Variants in CADPS2 observed in about 807,000 individuals in gnomAD.
CADPS2 encodes the protein calcium dependent secretion activator 2.
In CADPS2, 93 loss-of-function variants were observed where a neutral mutation model predicts 172.5. That is an observed-to-expected ratio of 0.54 (90% CI 0.46 to 0.64). The LOEUF (loss-of-function observed/expected upper bound fraction) is 0.64, where lower values mean the gene tolerates loss of function less well. CADPS2 is among the 30% of genes least tolerant of loss of function. The pLI is 0.00. For synonymous variants in CADPS2, 546 were observed against 555.2 expected, an observed-to-expected ratio of 0.98 and a Z score of 0.23; for missense variants, 1,420 against 1,565.9, an observed-to-expected ratio of 0.91 and a Z score of 1.57.
chr7:122,809,534 C>G (rs959524459), intron 1 of CADPS2, among the ~76,000 whole-genome samples: 8 of 149,610 alleles, frequency 5.3e-5, no homozygotes, highest in African/African-American at 2.0e-4. Context: ...GCGCTGAGAT[C>G]GTGCCATTGC....
Position 122,558,367 on chromosome 7 carries a change from A to G in CADPS2, c.1336-3678T>C, listed in dbSNP as rs577805989. The stretch of plus-strand genomic sequence containing the variant: ...CATTTAAATTAAACTATAGCTCTGT[A>G]CAAATAACTTTTAATATTATTTAGC... On this transcript the variant is annotated intron_variant, in intron 7 of 29. Coordinates refer to ENST00000449022, the MANE Select transcript of CADPS2 (RefSeq NM_017954.11). 5.3e-5 allele frequency among the ~76,000 whole-genome samples: 8 copies of G among 152,308 alleles called. No homozygotes were observed. The East Asian group carries it at 1.5e-3, about 29-fold the overall frequency.
At chr7:122,325,616 C>T (rs763065053) in intron 28 of CADPS2, 35 bp from the exon 29 acceptor site, 3 of 1,376,228 alleles carry the variant, frequency 2.2e-6, no homozygotes, top group Non-Finnish European at 3.1e-6. Flanking sequence ...GGGAGGAGAA[C>T]AAAAAAAGAA....
chr7:122,391,338 A>T (rs1298352371), intron 22 of CADPS2, among the ~76,000 whole-genome samples: 1 of 152,026 alleles, frequency 6.6e-6, no homozygotes, highest in Non-Finnish European at 1.5e-5. Flanking sequence ...AACATACTTT[A>T]AAAAAGGGCC....
At chr7:122,743,211 C>T (rs1270247251) in intron 1 of CADPS2, among the ~76,000 whole-genome samples, 1 of 152,044 alleles carries the variant, frequency 6.6e-6, no homozygotes, top group Admixed American at 6.6e-5. Flanking sequence ...AAAGAAAAAA[C>T]TAAATTTTAT....
chr7:122,362,116 A>C (rs2040229837), intron 25 of CADPS2, among the ~76,000 whole-genome samples: 1 of 151,930 alleles, frequency 6.6e-6, no homozygotes, highest in Non-Finnish European at 1.5e-5. Context: ...ACAAACAAAC[A>C]AAAAAAATGA....
rs373869050 is a variant in CADPS2 at position 122,330,372 on chromosome 7, C to T, written c.3613-4791G>A. On this transcript the variant is annotated intron_variant, in intron 28 of 29. Coordinates refer to ENST00000449022, the MANE Select transcript of CADPS2 (RefSeq NM_017954.11). Reference sequence around the variant, plus strand: ...AATATTTAGAAACATTAATGCACTACAATTTCACCAGTATATTTCTATTTA... The same window carrying T: ...AATATTTAGAAACATTAATGCACTATAATTTCACCAGTATATTTCTATTTA... Among the ~76,000 whole-genome samples, 3 of 152,324 alleles carry T rather than the reference C, an allele frequency of 2.0e-5. 1 individual carries two copies. The highest frequency in any genetic ancestry group is 2.0e-4 in the Admixed American group (3 of 15,298).
chr7:122,492,978 C>A (rs888201024), intron 9 of CADPS2, among the ~76,000 whole-genome samples: 1 of 152,054 alleles, frequency 6.6e-6, no homozygotes, highest in African/African-American at 2.4e-5. Flanking sequence ...AAACATAGTA[C>A]CTTTCAATAG....
At chr7:122,853,398 T>C (rs1191059607) in intron 1 of CADPS2, among the ~76,000 whole-genome samples, 2 of 152,178 alleles carry the variant, frequency 1.3e-5, no homozygotes, top group African/African-American at 4.8e-5. Flanking sequence ...GCAGCTCCTG[T>C]GCTGTAGCTG....
chr7:122,328,157 A>ACG (rs1554431011), intron 28 of CADPS2, among the ~76,000 whole-genome samples: 7 of 110,066 alleles, frequency 6.4e-5, no homozygotes, highest in Non-Finnish European at 1.4e-4. Flanking sequence ...ACACACACAC[A>ACG]CACGCACGCA....
chr7:122,665,463 G>T (rs564947359), intron 2 of CADPS2, among the ~76,000 whole-genome samples: 18 of 152,230 alleles, frequency 1.2e-4, no homozygotes, highest in African/African-American at 4.3e-4. Context: ...AAACTACAAT[G>T]AGGTTATGTC....
At chr7:122,341,269 C>A (rs1375379957) in intron 28 of CADPS2, among the ~76,000 whole-genome samples, 1 of 152,190 alleles carries the variant, frequency 6.6e-6, no homozygotes, top group East Asian at 1.9e-4. Context: ...TGGTGGGACA[C>A]CTTGTTTTCA....
chr7:122,729,270 G>C (rs1588820220), intron 2 of CADPS2, among the ~76,000 whole-genome samples: 2 of 151,696 alleles, frequency 1.3e-5, no homozygotes, highest in East Asian at 3.9e-4. Context: ...TTCATCTGTT[G>C]ATAGACACTT....
intron 1 of CADPS2, among the ~76,000 whole-genome samples, chr7:122,758,472 T>G (rs914982293): frequency 5.9e-5 from 9 of 152,206 alleles, no homozygotes; most frequent in Non-Finnish European, 1.3e-4. Context: ...TTTAAAGGCC[T>G]CTTATATTTG....
intron 25 of CADPS2, among the ~76,000 whole-genome samples, chr7:122,362,471 T>C (rs185343629): frequency 3.3e-5 from 5 of 151,964 alleles, no homozygotes; most frequent in African/African-American, 1.2e-4. Flanking sequence ...GTGGTTTACA[T>C]TTCTAAAACT....
chr7:122,625,876 G>C (rs145701128), intron 4 of CADPS2, among the ~76,000 whole-genome samples: 18 of 151,782 alleles, frequency 1.2e-4, no homozygotes, highest in African/African-American at 4.1e-4. Context: ...TATCTACCTA[G>C]ATATTGGTCT....
Position 122,601,213 on chromosome 7 carries a change from A to G in CADPS2, c.1223+13968T>C, listed in dbSNP as rs186599346. Among the ~76,000 whole-genome samples the G allele has an allele frequency of 2.9e-3, 442 of 152,184 alleles. 3 individuals carry two copies. Among genetic ancestry groups the G allele is most frequent in the Non-Finnish European group, 5.4e-3 (364 of 67,984 alleles). On this transcript the variant is annotated intron_variant, in intron 6 of 29. Transcript: ENST00000449022. The stretch of plus-strand genomic sequence containing the variant: ...ATTTTTTTTCACACTCAAATATTAA[A>G]ATTTTTGAAGATTCTTATGAGAATT...
chr7:122,602,940 T>C lies in CADPS2; in HGVS notation c.1223+12241A>G, dbSNP rs548358213. On this transcript the variant is annotated intron_variant, in intron 6 of 29. Transcript: ENST00000449022. ...GTAATAACAAGTGCTCTTCATGTAA[T>C]GTATTAACATGGTGCCAACATGGAA... Among the ~76,000 whole-genome samples, 41 of 152,246 alleles carry C rather than the reference T, an allele frequency of 2.7e-4. No homozygotes were observed. The East Asian group carries it at 5.2e-3, about 19-fold the overall frequency.
chr7:122,803,345 T>A (rs1341568526), intron 1 of CADPS2, among the ~76,000 whole-genome samples: 2 of 152,154 alleles, frequency 1.3e-5, no homozygotes, highest in African/African-American at 4.8e-5. Flanking sequence ...ATTTTTTCCC[T>A]TTGAAGTTAG....
At chr7:122,617,627 A>C (rs909209861) in intron 5 of CADPS2, among the ~76,000 whole-genome samples, 1 of 152,230 alleles carries the variant, frequency 6.6e-6, no homozygotes, top group African/African-American at 2.4e-5. Flanking sequence ...ACATTTAAGC[A>C]TGTGTAGTTT....
Sources: gnomAD v4.1 joint callset for allele counts (sites outside exome capture counted in the v4.1 genomes callset) on GRCh38, gnomAD v4.1.1 for gene constraint, MANE v1.5 for transcripts, NCBI Gene and HGNC (gene_info 2026-07-23, HGNC 2026-07-21) for gene names.